Variants in NKAIN2 observed in about 807,000 individuals in gnomAD.
NKAIN2 encodes the protein sodium/potassium transporting ATPase interacting 2, also known as sodium/potassium-transporting ATPase subunit beta-1-interacting protein 2.
A neutral mutation model predicts 32.6 loss-of-function variants in NKAIN2; 14 were observed. The ratio of observed to expected loss-of-function variants is 0.43; its 90% CI spans 0.28 to 0.67. NKAIN2 has a LOEUF of 0.67. Among genes scored for constraint, NKAIN2 ranks in the 30% least tolerant of loss-of-function variants. NKAIN2 has a pLI of 0.17. For synonymous variants in NKAIN2, 80 were observed against 87.2 expected (o/e 0.92, Z 0.46); for missense variants, 198 against 258.3 (o/e 0.77, Z 1.60).
intron 1 of NKAIN2, among the ~76,000 whole-genome samples, chr6:123,932,082 C>A (rs1472083797): frequency 6.6e-6 from 1 of 152,148 alleles, no homozygotes; most frequent in Non-Finnish European, 1.5e-5. Flanking sequence ...GCTTACCCTC[C>A]CTGAGGGTTG....
At chr6:124,005,282 T>C (rs2114721862) in intron 1 of NKAIN2, among the ~76,000 whole-genome samples, 1 of 152,226 alleles carries the variant, frequency 6.6e-6, no homozygotes, top group African/African-American at 2.4e-5. Flanking sequence ...TTCCAATTCT[T>C]ATGTAATTCA....
rs1216484529 is a variant in NKAIN2, at chr6:124,177,773, ATTTTTTTTTTT to A, written c.55-105214_55-105204del. On this transcript the variant is annotated intron_variant, in intron 1 of 6. Coordinates refer to ENST00000368417, the MANE Select transcript of NKAIN2 (RefSeq NM_001040214.3). ...GGCGCAACGGAGTTTCTGTTCATCC[ATTTTTTTTTTT>A]TTTTTTTTTTTTTTTTTGAGACGGA... is the stretch of plus-strand genomic sequence containing the variant. Among the ~76,000 whole-genome samples, 2 of 22,270 alleles carry A rather than the reference ATTTTTTTTTTT, an allele frequency of 9.0e-5. 1 individual carries two copies. The highest frequency in any genetic ancestry group is 3.8e-3 in the South Asian group (2 of 524). The allele number at this position is 22,270 out of a possible 152,430, so 14.6% of individuals were successfully genotyped here. A position where few individuals can be genotyped will look rare whatever the true frequency, so the allele number is the denominator to read the frequency against.
At chr6:124,334,876 A>G (rs892897023) in intron 2 of NKAIN2, among the ~76,000 whole-genome samples, 1 of 152,234 alleles carries the variant, frequency 6.6e-6, no homozygotes, top group Admixed American at 6.5e-5. Flanking sequence ...TCCCAAAGTT[A>G]GTTGAGCCCA....
intron 1 of NKAIN2, among the ~76,000 whole-genome samples, chr6:124,146,861 G>T (rs113190139): frequency 2.6e-5 from 4 of 152,094 alleles, no homozygotes; most frequent in African/African-American, 9.7e-5. Context: ...GAAAGCAAGG[G>T]AAATTATAAA....
intron 3 of NKAIN2, among the ~76,000 whole-genome samples, chr6:124,486,780 G>C (rs2114714235): frequency 6.6e-6 from 1 of 151,926 alleles, no homozygotes; most frequent in South Asian, 2.1e-4. Context: ...ATTCCACAGA[G>C]AACCCATTAG....
chr6:124,660,004 C>T (rs980237294), intron 4 of NKAIN2, among the ~76,000 whole-genome samples: 1 of 152,014 alleles, frequency 6.6e-6, no homozygotes, highest in African/African-American at 2.4e-5. Flanking sequence ...TTTGCTTATC[C>T]TGAAGTAAAA....
chr6:124,375,381 ATATATATATATGTATATAAAT>A (rs1356787671), intron 3 of NKAIN2, among the ~76,000 whole-genome samples: 5 of 148,012 alleles, frequency 3.4e-5, no homozygotes, highest in South Asian at 2.1e-4. Flanking sequence ...TACTCACTAT[ATATATATATATGTATATAAAT>A]TATATATATA....
chr6:124,289,907 TGCATGCTTTCTGTG>T (rs1324957305), intron 2 of NKAIN2, among the ~76,000 whole-genome samples: 1 of 152,162 alleles, frequency 6.6e-6, no homozygotes, highest in Non-Finnish European at 1.5e-5. Context: ...CATTAACAAA[TGCATGCTTTCTGTG>T]TTGAGGACAG....
At chr6:124,426,242 C>T (rs1269269972) in intron 3 of NKAIN2, among the ~76,000 whole-genome samples, 2 of 152,050 alleles carry the variant, frequency 1.3e-5, no homozygotes, top group East Asian at 1.9e-4. Flanking sequence ...CTGTACTTTT[C>T]CAGTGGAAGA....
At chr6:124,384,740 A>G (rs886421425) in intron 3 of NKAIN2, among the ~76,000 whole-genome samples, 5 of 148,074 alleles carry the variant, frequency 3.4e-5, no homozygotes, top group African/African-American at 1.2e-4. Context: ...GATCCTTCTC[A>G]CTTCAGCCTC....
intron 5 of NKAIN2, among the ~76,000 whole-genome samples, 185 bp from the exon 6 acceptor site, chr6:124,818,202 G>A (rs1781250078): frequency 6.6e-6 from 1 of 151,894 alleles, no homozygotes; most frequent in African/African-American, 2.4e-5. Flanking sequence ...TGGGGGAGGG[G>A]GGCAGCGGAA....
rs1347466418 is a variant in NKAIN2 at position 124,407,403 on chromosome 6, T to A, written c.273+52056T>A. On this transcript the variant is annotated intron_variant, in intron 3 of 6. Transcript: ENST00000368417. ...ATATTCCCCTTCCTGTGTCCTTGTG[T>A]TCTCATTGTTCAATTCCCACCTATG... Among the ~76,000 whole-genome samples, 3 of 147,878 alleles carry A rather than the reference T, an allele frequency of 2.0e-5. No individual in the cohort carries two copies. In the East Asian group the frequency reaches 6.3e-4, roughly 31 times the overall value.
At chr6:124,764,230 A>C (rs1394652706) in intron 4 of NKAIN2, among the ~76,000 whole-genome samples, 1 of 135,960 alleles carries the variant, frequency 7.4e-6, no homozygotes, top group Non-Finnish European at 1.6e-5. Context: ...TTTAAAGTAA[A>C]TTGGCAACAC....
intron 1 of NKAIN2, among the ~76,000 whole-genome samples, chr6:124,186,168 G>A (rs1789722935): frequency 7.4e-6 from 1 of 135,010 alleles, no homozygotes; most frequent in Non-Finnish European, 1.6e-5. Flanking sequence ...AGGGAGGGAG[G>A]GAGGGAAAGA....
At chr6:124,574,419 AC>A (rs1351208353) in intron 3 of NKAIN2, among the ~76,000 whole-genome samples, 1 of 152,094 alleles carries the variant, frequency 6.6e-6, no homozygotes, top group African/African-American at 2.4e-5. Flanking sequence ...GGAGTTTGAG[AC>A]CAGCCTGGCC....
intron 1 of NKAIN2, among the ~76,000 whole-genome samples, chr6:123,990,709 A>G (rs949451374): frequency 6.6e-6 from 1 of 152,200 alleles, no homozygotes; most frequent in African/African-American, 2.4e-5. Context: ...AACCATAACC[A>G]CTACTTAGTA....
rs1359207640 is a variant in NKAIN2 at position 124,664,840 on chromosome 6, T to TA, written c.474+6460dup. Among the ~76,000 whole-genome samples the TA allele has an allele frequency of 6.2e-4, 63 of 102,226 alleles. 1 individual carries two copies. Among genetic ancestry groups the TA allele is most frequent in the South Asian group, 1.8e-3 (5 of 2,846 alleles). 67.1% of individuals were successfully genotyped at this position (102,226 alleles called of 152,430 possible). ...AAAAAAAAAAAAAAAAATTTCAAGT[T>TA]AAAAAACATTAGCACAAGCAGTGGA... On this transcript the variant is annotated intron_variant, in intron 4 of 6. Transcript: ENST00000368417.
rs542637385 is a variant in NKAIN2 at position 124,495,153 on chromosome 6, T to A, written c.273+139806T>A. ...CACTTTCAGTAATTCTGTATCCACA[T>A]GACATTTTTGGAAGGAAATCAAGTA... On this transcript the variant is annotated intron_variant, in intron 3 of 6. Coordinates refer to ENST00000368417, the MANE Select transcript of NKAIN2 (RefSeq NM_001040214.3). Among the ~76,000 whole-genome samples the A allele has an allele frequency of 2.6e-3, 389 of 152,268 alleles. 3 individuals carry two copies. Among genetic ancestry groups the A allele is most frequent in the Middle Eastern group, 0.02 (6 of 294 alleles).
At chr6:123,976,372 CATATATATATAT>C (rs60189624) in intron 1 of NKAIN2, among the ~76,000 whole-genome samples, 1,798 of 10,674 alleles carry the variant, frequency 0.17, 91 homozygotes, top group Middle Eastern at 0.2. Context: ...TATATATTCC[CATATATATATAT>C]ATATATATAT....
Sources: allele counts gnomAD v4.1 joint callset (sites outside exome capture counted in the v4.1 genomes callset), GRCh38; gene constraint gnomAD v4.1.1; transcripts MANE v1.5; gene names NCBI Gene and HGNC (gene_info 2026-07-23, HGNC 2026-07-21).